Variants in CTNND2 observed in about 807,000 individuals in gnomAD.
CTNND2 encodes the protein catenin delta-2.
In CTNND2, 22 loss-of-function variants were observed where a neutral mutation model predicts 144.4. The ratio of observed to expected loss-of-function variants is 0.15; its 90% CI spans 0.11 to 0.22. The LOEUF (loss-of-function observed/expected upper bound fraction) is 0.22, where lower values mean the gene tolerates loss of function less well. Among genes scored for constraint, CTNND2 ranks in the 10% least tolerant of loss-of-function variants. The probability of loss-of-function intolerance (pLI) is 1.00; values close to 1 mark genes in which losing one functional copy is unlikely to be tolerated. For synonymous variants in CTNND2, 751 were observed against 695.6 expected (o/e 1.08, Z -1.25); for missense variants, 1,353 against 1,618.8 (o/e 0.84, Z 2.82).
intron 16 of CTNND2, among the ~76,000 whole-genome samples, chr5:11,062,320 A>C (rs1175015180): frequency 2.6e-5 from 4 of 152,266 alleles, no homozygotes; most frequent in Non-Finnish European, 5.9e-5. Flanking sequence ...ATATTTAATT[A>C]GTCCCTGGGA....
chr5:11,415,108 T>C (rs1761838541), intron 3 of CTNND2, among the ~76,000 whole-genome samples: 1 of 152,192 alleles, frequency 6.6e-6, no homozygotes, highest in South Asian at 2.1e-4. Context: ...TCCTCTGTAA[T>C]GGGATTGTCG....
At chr5:11,695,380 T>C (rs1298191312) in intron 2 of CTNND2, among the ~76,000 whole-genome samples, 2 of 152,216 alleles carry the variant, frequency 1.3e-5, no homozygotes, top group African/African-American at 4.8e-5. Context: ...TCTTGAGAGC[T>C]GTGTGGCTTG....
At chr5:11,709,597 G>A (rs1401744580) in intron 2 of CTNND2, among the ~76,000 whole-genome samples, 6 of 152,100 alleles carry the variant, frequency 3.9e-5, no homozygotes, top group African/African-American at 1.2e-4. Flanking sequence ...AGAATACAGC[G>A]TGACCTGCAA....
At position 11,464,595 on chromosome 5, in the gene CTNND2, G is replaced by A. The variant is rs61758935; in HGVS notation, c.288-52526C>T. ...AGTAGGGAGTGAAGTGATCAGACTT[G>A]TGTTTTTAATTATTATGCTGATACT... On this transcript the variant is annotated intron_variant, in intron 3 of 21. Coordinates refer to ENST00000304623, the MANE Select transcript of CTNND2 (RefSeq NM_001332.4). Among the ~76,000 whole-genome samples, 16 of 152,246 alleles carry A rather than the reference G, an allele frequency of 1.1e-4. No individual in the cohort carries two copies. In the East Asian group the frequency reaches 2.1e-3, roughly 20 times the overall value.
intron 9 of CTNND2, among the ~76,000 whole-genome samples, chr5:11,328,040 G>T (rs1056562200): frequency 6.6e-6 from 1 of 152,186 alleles, no homozygotes; most frequent in Non-Finnish European, 1.5e-5. Flanking sequence ...AAATGGAAAT[G>T]ACAGTGATTC....
At chr5:11,728,956 A>T (rs1462311530) in intron 2 of CTNND2, among the ~76,000 whole-genome samples, 2 of 152,156 alleles carry the variant, frequency 1.3e-5, no homozygotes, top group Admixed American at 6.5e-5. Flanking sequence ...AAAATAAGGA[A>T]CCTTTAAGAA....
intron 9 of CTNND2, among the ~76,000 whole-genome samples, chr5:11,245,263 G>A (rs1353192582): frequency 6.6e-6 from 1 of 152,170 alleles, no homozygotes; most frequent in African/African-American, 2.4e-5. Flanking sequence ...TAGGACACTG[G>A]GAAAGACTGA....
intron 5 of CTNND2, among the ~76,000 whole-genome samples, chr5:11,403,784 G>A (rs1479113624): frequency 6.6e-6 from 1 of 152,152 alleles, no homozygotes; most frequent in Non-Finnish European, 1.5e-5. Context: ...AAATTTAAAA[G>A]TGAAACTCAG....
chr5:11,839,151 T>G (rs1794327264), intron 1 of CTNND2, among the ~76,000 whole-genome samples: 1 of 152,014 alleles, frequency 6.6e-6, no homozygotes, highest in African/African-American at 2.4e-5. Flanking sequence ...GCTGTCCAAG[T>G]AAGGACAGTG....
At chr5:11,808,924 T>C (rs973737211) in intron 1 of CTNND2, among the ~76,000 whole-genome samples, 1 of 152,192 alleles carries the variant, frequency 6.6e-6, no homozygotes, top group Non-Finnish European at 1.5e-5. Context: ...AAAATTAACC[T>C]GAACTACTAA....
At chr5:11,208,443 A>G (rs1738281024) in intron 10 of CTNND2, among the ~76,000 whole-genome samples, 1 of 152,172 alleles carries the variant, frequency 6.6e-6, no homozygotes, top group South Asian at 2.1e-4. Flanking sequence ...GCACCAATAT[A>G]CAGAACAATA....
intron 9 of CTNND2, among the ~76,000 whole-genome samples, chr5:11,316,440 G>A (rs938528926): frequency 6.0e-5 from 9 of 150,030 alleles, no homozygotes; most frequent in East Asian, 2.0e-4. Context: ...TGGGGGCTCC[G>A]TGAGGTAGGT....
chr5:11,419,329 T>C (rs561967474), intron 3 of CTNND2, among the ~76,000 whole-genome samples: 85 of 152,288 alleles, frequency 5.6e-4, no homozygotes, highest in African/African-American at 2.0e-3. Flanking sequence ...CACTTAGAAA[T>C]ATGCTTAGTT....
At chr5:11,858,480 G>A (rs1252866823) in intron 1 of CTNND2, among the ~76,000 whole-genome samples, 8 of 152,170 alleles carry the variant, frequency 5.3e-5, no homozygotes, top group African/African-American at 1.9e-4. Context: ...ACCAATATCT[G>A]TCCTATTCCT....
chr5:11,700,711 G>C (rs1476092701), intron 2 of CTNND2, among the ~76,000 whole-genome samples: 2 of 152,066 alleles, frequency 1.3e-5, no homozygotes, highest in Non-Finnish European at 2.9e-5. Flanking sequence ...TATTTTAGAT[G>C]GAACACTCTC....
intron 9 of CTNND2, among the ~76,000 whole-genome samples, chr5:11,340,279 T>C (rs941240629): frequency 8.5e-5 from 13 of 152,224 alleles, no homozygotes; most frequent in Admixed American, 7.2e-4. Flanking sequence ...CATTTGTAGA[T>C]GTCCCTTTCC....
chr5:11,891,751 C>T lies in CTNND2; in HGVS notation c.37+12066G>A, dbSNP rs184722132. On this transcript the variant is annotated intron_variant, in intron 1 of 21. Transcript: ENST00000304623. Reference sequence around the variant, plus strand: ...AGCCTCTAAAACTGTGAGAAATAAACGTTGTTTAAGCCACACAATTTAGGG... The same window carrying T: ...AGCCTCTAAAACTGTGAGAAATAAATGTTGTTTAAGCCACACAATTTAGGG... Among the ~76,000 whole-genome samples the T allele has an allele frequency of 1.4e-4, 22 of 152,274 alleles. No homozygotes were observed. In the East Asian group the frequency reaches 3.7e-3, roughly 25 times the overall value.
intron 3 of CTNND2, among the ~76,000 whole-genome samples, chr5:11,513,011 A>T (rs112418151): frequency 0.014 from 2,113 of 152,174 alleles, 54 homozygotes; most frequent in African/African-American, 0.048. Context: ...CCATATCTTC[A>T]TGAAGGTGGC....
At chr5:11,679,377 T>G (rs888713744) in intron 2 of CTNND2, among the ~76,000 whole-genome samples, 1 of 152,218 alleles carries the variant, frequency 6.6e-6, no homozygotes, top group African/African-American at 2.4e-5. Context: ...AGATTAAAAC[T>G]GATGCTTGTA....
Sources: allele counts gnomAD v4.1 joint callset (sites outside exome capture counted in the v4.1 genomes callset), GRCh38; gene constraint gnomAD v4.1.1; transcripts MANE v1.5; gene names NCBI Gene and HGNC (gene_info 2026-07-23, HGNC 2026-07-21).